The following SGCD variants were observed in gnomAD, a reference collection of about 807,000 sequenced individuals.
SGCD encodes the protein sarcoglycan delta, also known as delta-sarcoglycan.
A neutral mutation model predicts 36.6 loss-of-function variants in SGCD; 18 were observed. The observed-to-expected ratio is 0.49, with a 90% CI of 0.34 to 0.73. The LOEUF is 0.73. Ranked by LOEUF, SGCD falls within the 30% of genes least tolerant of loss-of-function variation. The pLI, the probability that SGCD is intolerant of heterozygous loss-of-function variation, is 0.01. For missense variants in SGCD, 387 were observed against 346.7 expected, an observed-to-expected ratio of 1.12 and a Z score of -0.92; for synonymous variants, 133 against 130.6, an observed-to-expected ratio of 1.02 and a Z score of -0.12.
chr5:156,053,565 C>G lies in SGCD; in HGVS notation c.-281-64313C>G. Among the ~76,000 whole-genome samples the G allele has an allele frequency of 1.4e-5, 2 of 145,742 alleles. 1 individual carries two copies. Among genetic ancestry groups the G allele is most frequent in the Non-Finnish European group, 3.1e-5 (2 of 64,568 alleles). ...ACTGCAACCACAGAACATTAAACTC[C>G]AAGTGCAGGACCCTCTGAGCTTGGA... On this transcript the variant is annotated intron_variant, in intron 1 of 9. Transcript: ENST00000517913.
chr5:156,259,389 A>AT (rs1003779635), intron 3 of SGCD, among the ~76,000 whole-genome samples: 2 of 151,224 alleles, frequency 1.3e-5, no homozygotes, highest in Non-Finnish European at 2.9e-5. Context: ...ATAAATATAT[A>AT]TTTTTTCTGC....
intron 4 of SGCD, among the ~76,000 whole-genome samples, chr5:156,509,538 A>ATC (rs1375251056): frequency 2.0e-5 from 3 of 152,240 alleles, no homozygotes; most frequent in Non-Finnish European, 4.4e-5. Flanking sequence ...CAGTATCATT[A>ATC]TCTAATTTAG....
At chr5:156,443,678 G>A (rs1431358438) in intron 3 of SGCD, among the ~76,000 whole-genome samples, 4 of 152,096 alleles carry the variant, frequency 2.6e-5, no homozygotes, top group Admixed American at 6.6e-5. Context: ...TCTCATATCC[G>A]ACACTAACTT....
chr5:156,520,549 A>T (rs747783903), intron 4 of SGCD, among the ~76,000 whole-genome samples: 1 of 151,756 alleles, frequency 6.6e-6, no homozygotes, highest in Non-Finnish European at 1.5e-5. Flanking sequence ...TAAAATTCAT[A>T]TGGAACCAAA....
chr5:155,861,616 G>A, the SGCD span, among the ~76,000 whole-genome samples: 5 of 152,198 alleles, frequency 3.3e-5, no homozygotes, highest in Non-Finnish European at 4.4e-5. Flanking sequence ...TACTCAGGAG[G>A]TTGAGGCAGG....
At chr5:156,249,904 T>C (rs1159304774) in intron 3 of SGCD, among the ~76,000 whole-genome samples, 2 of 152,194 alleles carry the variant, frequency 1.3e-5, no homozygotes, top group Non-Finnish European at 2.9e-5. Flanking sequence ...AAAATTATAA[T>C]GGAAAAGGTC....
At chr5:156,744,832 A>C (rs1400283019) in intron 7 of SGCD, among the ~76,000 whole-genome samples, 1 of 152,160 alleles carries the variant, frequency 6.6e-6, no homozygotes, top group African/African-American at 2.4e-5. Flanking sequence ...AGTTGAGCTG[A>C]TTTTATCATA....
intron 4 of SGCD, among the ~76,000 whole-genome samples, chr5:156,525,513 A>G (rs1209788095): frequency 6.6e-6 from 1 of 151,048 alleles, no homozygotes; most frequent in African/African-American, 2.4e-5. Flanking sequence ...ATGTTCTCAC[A>G]TTCCATAGAT....
chr5:156,456,691 G>A (rs187977702), intron 3 of SGCD, among the ~76,000 whole-genome samples: 265 of 152,284 alleles, frequency 1.7e-3, no homozygotes, highest in Non-Finnish European at 3.3e-3. Context: ...TCTCCTCCAG[G>A]CTTTAGAGGG....
chr5:156,680,594 G>A (rs532261371), intron 7 of SGCD, among the ~76,000 whole-genome samples: 3 of 152,280 alleles, frequency 2.0e-5, no homozygotes, highest in South Asian at 2.1e-4. Context: ...TCTTACACAC[G>A]TTTAGATATT....
chr5:156,134,157 A>G (rs1488916263), intron 3 of SGCD, among the ~76,000 whole-genome samples: 1 of 152,024 alleles, frequency 6.6e-6, no homozygotes, highest in Non-Finnish European at 1.5e-5. Flanking sequence ...TGCTAAACCC[A>G]CCCACTCTTG....
At chr5:156,268,375 T>C (rs1030546849) in intron 3 of SGCD, among the ~76,000 whole-genome samples, 15 of 152,322 alleles carry the variant, frequency 9.8e-5, no homozygotes, top group African/African-American at 3.1e-4. Context: ...TGTTTTTAGC[T>C]GTTTGAGCCA....
At chr5:156,045,445 C>T (rs868291588) in intron 1 of SGCD, among the ~76,000 whole-genome samples, 2 of 152,100 alleles carry the variant, frequency 1.3e-5, no homozygotes, top group Non-Finnish European at 1.5e-5. Context: ...CCAATTAATT[C>T]AGAAATGTCC....
At chr5:156,544,241 C>T (rs1227085065) in intron 4 of SGCD, among the ~76,000 whole-genome samples, 1 of 152,180 alleles carries the variant, frequency 6.6e-6, no homozygotes, top group Non-Finnish European at 1.5e-5. Context: ...CGATAAAGAG[C>T]TAGCTAAATA....
intron 3 of SGCD, among the ~76,000 whole-genome samples, chr5:156,198,306 G>A (rs1218270238): frequency 2.0e-5 from 3 of 152,186 alleles, no homozygotes; most frequent in African/African-American, 7.2e-5. Context: ...ATGCTGTATC[G>A]ATGATTGTTA....
chr5:156,049,961 A>G (rs1420116538), intron 1 of SGCD, among the ~76,000 whole-genome samples: 2 of 146,768 alleles, frequency 1.4e-5, no homozygotes, highest in African/African-American at 4.9e-5. Context: ...GCCTCTTTTG[A>G]ATGGGCAAAG....
At chr5:156,677,433 G>C (rs910666213) in intron 7 of SGCD, among the ~76,000 whole-genome samples, 1 of 151,908 alleles carries the variant, frequency 6.6e-6, no homozygotes, top group Non-Finnish European at 1.5e-5. Flanking sequence ...CCAAACTATC[G>C]CAAGGACAGA....
chr5:156,218,627 G>C (rs1234677625), intron 3 of SGCD, among the ~76,000 whole-genome samples: 1 of 152,118 alleles, frequency 6.6e-6, no homozygotes, highest in Admixed American at 6.5e-5. Context: ...TTTTGTGTGA[G>C]AAAGGTCAGA....
intron 3 of SGCD, among the ~76,000 whole-genome samples, chr5:156,234,730 A>G (rs982000478): frequency 5.9e-5 from 9 of 152,152 alleles, no homozygotes; most frequent in Non-Finnish European, 1.2e-4. Context: ...AAAAGAACTT[A>G]TAATTTTCTG....
Sources: allele counts gnomAD v4.1 joint callset (sites outside exome capture counted in the v4.1 genomes callset), GRCh38; gene constraint gnomAD v4.1.1; transcripts MANE v1.5; gene names NCBI Gene and HGNC (gene_info 2026-07-23, HGNC 2026-07-21).